The following UFD1 variants were observed in gnomAD, a reference collection of about 807,000 sequenced individuals.
The protein encoded by UFD1 is ubiquitin recognition factor in ER-associated degradation protein 1.
A neutral mutation model predicts 45.9 loss-of-function variants in UFD1; 13 were observed. The observed-to-expected ratio is 0.28, with a 90% confidence interval of 0.18 to 0.45. The LOEUF (loss-of-function observed/expected upper bound fraction) is 0.45, where lower values mean the gene tolerates loss of function less well. Among genes scored for constraint, UFD1 ranks in the 20% least tolerant of loss-of-function variants. The probability of loss-of-function intolerance (pLI) is 1.00; values close to 1 mark genes in which losing one functional copy is unlikely to be tolerated. For missense variants in UFD1, 218 were observed against 389.2 expected (o/e 0.56, Z 3.70); for synonymous variants, 128 against 139.2 (o/e 0.92, Z 0.56).
intron 9 of UFD1, 30 bp from the exon 10 acceptor site, chr22:19,455,798 A>T: frequency 6.2e-7 from 1 of 1,604,138 alleles, no homozygotes; most frequent in East Asian, 2.2e-5. Context: ...GTCATATAAT[A>T]AGCCCAAGTG....
chr22:19,475,222 T>TC (rs2089873001), intron 2 of UFD1, 122 bp from the exon 3 acceptor site: 1 of 1,110,674 alleles, frequency 9.0e-7, no homozygotes, highest in South Asian at 1.6e-5. Context: ...AGCCAGAATG[T>TC]CCCAGTGATC....
chr22:19,460,699 G>A (rs1245027904), intron 6 of UFD1, among the ~76,000 whole-genome samples: 4 of 150,834 alleles, frequency 2.7e-5, no homozygotes, highest in African/African-American at 4.9e-5. Context: ...ATTACTATAC[G>A]TTTCTAAACA....
At chr22:19,471,624 C>G in intron 4 of UFD1, 63 bp downstream of exon 4, 2 of 1,585,870 alleles carry the variant, frequency 1.3e-6, no homozygotes, top group East Asian at 2.2e-5. Flanking sequence ...CCAGGACTCT[C>G]GAGTGCAGGA....
At position 19,450,596 on chromosome 22, in the gene UFD1, C is replaced by A; in HGVS notation, c.*74G>T. 1 of 1,574,394 alleles carries A rather than the reference C, an allele frequency of 6.4e-7. No individual in the cohort carries two copies. The highest frequency in any genetic ancestry group is 8.7e-7 in the Non-Finnish European group (1 of 1,146,208). ...ATTCTCTGATGAGGCTCGTCCCTGT[C>A]AGTGCCAGTAACTAAAAGCCAAGAT... On this transcript the variant is annotated 3_prime_UTR_variant, in exon 12 of 12. Transcript: ENST00000263202.
At chr22:19,455,592 G>T in intron 10 of UFD1, 88 bp downstream of exon 10, 1 of 1,264,472 alleles carries the variant, frequency 7.9e-7, no homozygotes, top group Non-Finnish European at 1.1e-6. Flanking sequence ...CCCAGGCTTT[G>T]TCTCCAGAAC....
chr22:19,460,103 AAGCAG>A (rs2089755499), intron 6 of UFD1, among the ~76,000 whole-genome samples: 1 of 152,132 alleles, frequency 6.6e-6, no homozygotes, highest in African/African-American at 2.4e-5. Context: ...AAAAAAACCT[AAGCAG>A]GGCCAAATCT....
intron 8 of UFD1, 52 bp from the exon 9 acceptor site, chr22:19,456,686 T>C: frequency 6.2e-6 from 10 of 1,613,804 alleles, no homozygotes; most frequent in Non-Finnish European, 8.5e-6. Flanking sequence ...ACACCCAGCT[T>C]CCCTCTCACC....
chr22:19,455,872 A>T lies in UFD1; in HGVS notation c.679-104T>A, dbSNP rs1038918184. 5 of 1,064,396 alleles carry T rather than the reference A, an allele frequency of 4.7e-6. No individual in the cohort carries two copies. In the African/African-American group the frequency reaches 7.9e-5, roughly 17 times the overall value. The allele number at this position is 1,064,396 out of a possible 1,614,324, so 65.9% of individuals were successfully genotyped here. On this transcript the variant is annotated intron_variant, in intron 9 of 11. Coordinates refer to ENST00000263202, the MANE Select transcript of UFD1 (RefSeq NM_005659.7). ...GATGTGAGCTGGGGGTGCTGTGCAG[A>T]CCCCTTCAGGACTGAAGCCCTGACT...
At chr22:19,465,969 G>C (rs969593329) in intron 5 of UFD1, 1 of 152,230 alleles carries the variant, frequency 6.6e-6, no homozygotes, top group African/African-American at 2.4e-5. Context: ...GTCTATTCAT[G>C]TGGAATATTT....
At chr22:19,471,916 C>A (rs1023416104) in intron 3 of UFD1, 108 bp from the exon 4 acceptor site, 3 of 1,465,620 alleles carry the variant, frequency 2.0e-6, no homozygotes, top group African/African-American at 2.8e-5. Context: ...CTCAACCCCA[C>A]ACTCCTCTGG....
At chr22:19,472,439 G>A (rs148673803) in intron 3 of UFD1, among the ~76,000 whole-genome samples, 107 of 152,300 alleles carry the variant, frequency 7.0e-4, no homozygotes, top group East Asian at 7.7e-4. Context: ...TGGGCCCAGC[G>A]GGCAGTGTGA....
In UFD1 at chr22:19,455,664, G is replaced by T; in HGVS notation, c.767+16C>A. On this transcript the variant is annotated intron_variant, in intron 10 of 11. Transcript: ENST00000263202. ...GATCCTCCTCCTGTCCTGGAGGAGA[G>T]CCAGGACAGACCTACCTTTTAATAT... 4 of 1,611,302 alleles carry T rather than the reference G, an allele frequency of 2.5e-6. No homozygotes were observed. The highest frequency in any genetic ancestry group is 3.4e-6 in the Non-Finnish European group (4 of 1,177,726).
chr22:19,473,915 T>C (rs116717278), intron 3 of UFD1, among the ~76,000 whole-genome samples: 268 of 152,304 alleles, frequency 1.8e-3, no homozygotes, highest in African/African-American at 6.3e-3. Context: ...CCTGTCCTCC[T>C]GGCCAACCCC....
chr22:19,477,415 C>T (rs1205116550), intron 1 of UFD1, among the ~76,000 whole-genome samples: 1 of 152,112 alleles, frequency 6.6e-6, no homozygotes. Context: ...GGATATCATG[C>T]CAAGTGAAGT....
chr22:19,465,347 G>A (rs1278998667), intron 5 of UFD1, 73 bp from the exon 6 acceptor site: 2 of 1,315,774 alleles, frequency 1.5e-6, no homozygotes, highest in East Asian at 2.3e-5. Context: ...CATGTTAGAT[G>A]ATTACTGGTA....
intron 5 of UFD1, chr22:19,465,500 G>A: frequency 4.0e-6 from 2 of 498,640 alleles, no homozygotes; most frequent in East Asian, 3.5e-5. Flanking sequence ...GCCAAGCTGG[G>A]GGAAGGGGAA....
At position 19,475,500 on chromosome 22, in the gene UFD1, C is replaced by A; in HGVS notation, c.106G>T (p.Asp36Tyr). ...FSVSMLAGPN[D>Y]RSDVEKGGKI... Reference sequence around the variant, plus strand: ...CCTCCTTTCTCCACATCTGACCTGTCATTAGGCCCTGCTAGCATGGACACA... The same window carrying A: ...CCTCCTTTCTCCACATCTGACCTGTAATTAGGCCCTGCTAGCATGGACACA... The change falls in exon 2 of 12, where the codon GAC becomes TAC. Residue 36 changes from aspartate (D) to tyrosine (Y), a missense_variant. By Grantham distance (160) the Asp-to-Tyr change is radical (BLOSUM62 -3). Coordinates refer to ENST00000263202, the MANE Select transcript of UFD1 (RefSeq NM_005659.7). 6.2e-7 allele frequency: 1 copy of A among 1,614,030 alleles called. No individual in the cohort carries two copies. The highest frequency in any genetic ancestry group is 8.5e-7 in the Non-Finnish European group (1 of 1,179,964).
Position 19,455,770 on chromosome 22 carries a change from T to C in UFD1, c.679-2A>G. The C allele has an allele frequency of 6.2e-7, 1 of 1,613,994 alleles. No individual in the cohort carries two copies. The highest frequency in any genetic ancestry group is 8.5e-7 in the Non-Finnish European group (1 of 1,179,890). On this transcript the variant is annotated splice_acceptor_variant, in intron 9 of 11. Transcript: ENST00000263202. LOFTEE classifies it high-confidence loss of function. ...TCTATTGCCAGATCCAGAGAAAGCCTAGACAGGAAGTAGGTGAGTCATATA... is the reference window on the plus strand; with the variant it reads ...TCTATTGCCAGATCCAGAGAAAGCCCAGACAGGAAGTAGGTGAGTCATATA...
In UFD1 at chr22:19,456,440, C is replaced by T. The variant is rs1295173979; in HGVS notation, c.678+147G>A. 1.6e-5 allele frequency: 17 copies of T among 1,033,306 alleles called. No individual in the cohort carries two copies. The East Asian group carries it at 2.2e-4, about 13-fold the overall frequency. The allele number at this position is 1,033,306 out of a possible 1,614,324, so 64.0% of individuals were successfully genotyped here. ...GATACAAAAGGGTTTGGTAACTGAG[C>T]GAGTGGCAGATTTGCATATGCACAG... On this transcript the variant is annotated intron_variant, in intron 9 of 11. Coordinates refer to ENST00000263202, the MANE Select transcript of UFD1 (RefSeq NM_005659.7).
Sources: allele counts gnomAD v4.1 joint callset (sites outside exome capture counted in the v4.1 genomes callset), GRCh38; gene constraint gnomAD v4.1.1; transcripts MANE v1.5; gene names NCBI Gene and HGNC (gene_info 2026-07-23, HGNC 2026-07-21).